The following RNF181 variants were observed in gnomAD, a reference collection of about 807,000 sequenced individuals.
RNF181 encodes the protein E3 ubiquitin-protein ligase RNF181.
RNF181 carries 25 observed loss-of-function variants against 23.3 expected under a neutral mutation model. The observed-to-expected ratio is 1.07, with a 90% confidence interval of 0.78 to 1.50. The LOEUF is 1.50. Among genes scored for constraint, RNF181 ranks in the 40% most tolerant of loss-of-function variants. The pLI, the probability that RNF181 is intolerant of heterozygous loss-of-function variation, is 0.00. For synonymous variants in RNF181, 62 were observed against 70.9 expected, an observed-to-expected ratio of 0.87 and a Z score of 0.63; for missense variants, 167 against 191.1, an observed-to-expected ratio of 0.87 and a Z score of 0.74.
At chr2:85,595,927 A>T (rs1392985371) in intron 1 of RNF181, 78 bp downstream of exon 1, 1 of 1,283,848 alleles carries the variant, frequency 7.8e-7, no homozygotes, top group African/African-American at 1.5e-5. Flanking sequence ...GCGGATTACC[A>T]GGGGCAGCGG....
Position 85,597,178 on chromosome 2 carries a change from G to A in RNF181, c.402G>A (p.Lys134=), listed in dbSNP as rs750682858. ...DDTYEEHRRD[K]ARKQQQQHRL... ...CTTATGAGGAGCACAGACGAGATAA[G>A]GTAGGGGCTGATGCTTAAGTGGAGG... The change falls in exon 4 of 5, where the codon AAG becomes AAA. Residue 134 remains lysine (K), a splice_region_variant and synonymous_variant. Coordinates refer to ENST00000306368, the MANE Select transcript of RNF181 (RefSeq NM_016494.4). The A allele has an allele frequency of 1.2e-6, 2 of 1,611,036 alleles. No homozygotes were observed. The highest frequency in any genetic ancestry group is 1.7e-6 in the Non-Finnish European group (2 of 1,177,860).
intron 3 of RNF181, 38 bp from the exon 4 acceptor site, chr2:85,597,066 A>G (rs1160248020): frequency 6.2e-7 from 1 of 1,614,026 alleles, no homozygotes; most frequent in African/African-American, 1.3e-5. Context: ...GCTTATGAAG[A>G]TCAGACCAAG....
intron 1 of RNF181, 128 bp from the exon 2 acceptor site, chr2:85,596,391 C>A: frequency 1.1e-6 from 1 of 921,888 alleles, no homozygotes; most frequent in Non-Finnish European, 1.6e-6. Flanking sequence ...TAGTGAGCAT[C>A]TACTAACTAC....
chr2:85,595,905 T>C, intron 1 of RNF181, 56 bp downstream of exon 1: 1 of 1,513,442 alleles, frequency 6.6e-7, no homozygotes, highest in Non-Finnish European at 9.1e-7. Context: ...GGGCTGGGGC[T>C]GGCTGGAGAA....
At position 85,597,600 on chromosome 2, in the gene RNF181, A is replaced by G. The variant is rs1253516608; in HGVS notation, c.*96A>G. Reference sequence around the variant, plus strand: ...TACCCACCCTGAGGCTGTATTGATCACAGACCTGGCCAGGGGCTCTGCATC... The same window carrying G: ...TACCCACCCTGAGGCTGTATTGATCGCAGACCTGGCCAGGGGCTCTGCATC... On this transcript the variant is annotated 3_prime_UTR_variant, in exon 5 of 5. Transcript: ENST00000306368. The G allele has an allele frequency of 7.1e-6, 11 of 1,556,806 alleles. No homozygotes were observed. Among genetic ancestry groups the G allele is most frequent in the Non-Finnish European group, 9.5e-6 (11 of 1,153,942 alleles).
chr2:85,596,531 T>A lies in RNF181; in HGVS notation c.99T>A (p.Asn33Lys), dbSNP rs770937584. Residue 33 changes from asparagine (N) to lysine (K), a missense_variant, in exon 2 of 5, where the codon AAT becomes AAA. By Grantham distance (94) the Asn-to-Lys change is moderately conservative. Coordinates refer to ENST00000306368, the MANE Select transcript of RNF181 (RefSeq NM_016494.4). ...TCCCCTTCCCCAGGTCACTTTTCAA[T>A]AGGATGGACTTTGAAGACTTGGGGT... ...MLLELARSLF[N>K]RMDFEDLGLV... 4.9e-5 allele frequency: 79 copies of A among 1,608,324 alleles called. 1 individual carries two copies. In the South Asian group the frequency reaches 7.7e-4, roughly 16 times the overall value.
Position 85,597,437 on chromosome 2 carries a change from TC to T in RNF181, c.403-6del. 1 of 1,604,808 alleles carries T rather than the reference TC, an allele frequency of 6.2e-7. No individual in the cohort carries two copies. Among genetic ancestry groups the T allele is most frequent in the South Asian group, 1.1e-5 (1 of 89,818 alleles). On this transcript the variant is annotated splice_region_variant and splice_polypyrimidine_tract_variant and intron_variant, in intron 4 of 4. Transcript: ENST00000306368. ...TGGCCCCTGCCCAGCATGCCTTCTT[TC>T]CTTCAGGCTCGAAAACAGCAGCAGC... is the stretch of plus-strand genomic sequence containing the variant.
rs2232745 is a variant in RNF181 at position 85,596,509 on chromosome 2, C to T, written c.87-10C>T. 0.06 allele frequency: 96,120 copies of T among 1,593,376 alleles called. 11,112 individuals are homozygous for T. The highest frequency in any genetic ancestry group is 0.45 in the African/African-American group (33,285 of 73,852). On this transcript the variant is annotated splice_polypyrimidine_tract_variant and intron_variant, in intron 1 of 4. Coordinates refer to ENST00000306368, the MANE Select transcript of RNF181 (RefSeq NM_016494.4). ...TTTCCTTTGTTCTGACTTTACATCC[C>T]CTTCCCCAGGTCACTTTTCAATAGG...
Position 85,595,868 on chromosome 2 carries a change from G to T in RNF181, c.86+19G>T. On this transcript the variant is annotated intron_variant, in intron 1 of 4. Coordinates refer to ENST00000306368, the MANE Select transcript of RNF181 (RefSeq NM_016494.4). ...TCGCAAGGTGGGTGCGCGGGGCTTG[G>T]GGATAGGGTCCAACCAGCAGGTTTC... 2.5e-6 allele frequency: 4 copies of T among 1,610,576 alleles called. No individual in the cohort carries two copies. The highest frequency in any genetic ancestry group is 3.4e-6 in the Non-Finnish European group (4 of 1,177,828).
In RNF181 at chr2:85,597,537, CT is replaced by C; in HGVS notation, c.*35del. The C allele has an allele frequency of 6.2e-7, 1 of 1,613,028 alleles. No individual in the cohort carries two copies. Among genetic ancestry groups the C allele is most frequent in the East Asian group, 2.2e-5 (1 of 44,884 alleles). On this transcript the variant is annotated 3_prime_UTR_variant, in exon 5 of 5. Coordinates refer to ENST00000306368, the MANE Select transcript of RNF181 (RefSeq NM_016494.4). ...GGGGCTGAGTGCTGGCCCTCTGCGTCTTCCTTATTAACCTTGAATCCTCATT... is the reference window on the plus strand; with the variant it reads ...GGGGCTGAGTGCTGGCCCTCTGCGTCTCCTTATTAACCTTGAATCCTCATT...
At chr2:85,596,027 C>T (rs1034011887) in intron 1 of RNF181, among the ~76,000 whole-genome samples, 178 bp downstream of exon 1, 1 of 132,472 alleles carries the variant, frequency 7.5e-6, no homozygotes, top group Non-Finnish European at 1.6e-5. Flanking sequence ...TAATTTGGGC[C>T]GTCCGTTGGG....
In RNF181 at chr2:85,596,927, G is replaced by A; in HGVS notation, c.323G>A (p.Ser108Asn). ...TCCAGCTGCATTCTGCCCTGGCTAA[G>A]CAAGGTACTGCTTCTCTTCTTCTAG... ...FHSSCILPWL[S>N]KTNSCPLCRY... is the part of the protein sequence containing the mutation. Residue 108 changes from serine to asparagine, a missense_variant, in exon 3 of 5, where the codon AGC (serine) becomes AAC (asparagine). Transcript: ENST00000306368. 6.2e-7 allele frequency: 1 copy of A among 1,614,200 alleles called. No individual in the cohort carries two copies. Among genetic ancestry groups the A allele is most frequent in the Non-Finnish European group, 8.5e-7 (1 of 1,180,028 alleles).
rs1395399994 is a variant in RNF181, at chr2:85,596,312, G to C, written c.87-207G>C. 3.3e-5 allele frequency among the ~76,000 whole-genome samples: 5 copies of C among 152,066 alleles called. No homozygotes were observed. The East Asian group carries it at 9.7e-4, about 29-fold the overall frequency. On this transcript the variant is annotated intron_variant, in intron 1 of 4. Transcript: ENST00000306368. ...ATCTGTTGCCTCATGTGTAAAATGG[G>C]AATAAACACTTTACGTGCTGGGGCG...
At chr2:85,596,785 C>T (rs375058741) in intron 2 of RNF181, 37 bp from the exon 3 acceptor site, 8 of 1,608,296 alleles carry the variant, frequency 5.0e-6, no homozygotes, top group Middle Eastern at 1.7e-4. Context: ...GAGGCAGAGC[C>T]TGTAGCAGCT....
At position 85,596,613 on chromosome 2, in the gene RNF181, A is replaced by G. The variant is rs981716618; in HGVS notation, c.181A>G (p.Asn61Asp). ...ACCAGCTGCCAAGACTGTGGTTGAG[A>G]ACCTCCCCAGGACAGTCATCAGAGG... The part of the protein sequence containing the change: ...PPPAAKTVVE[N>D]LPRTVIRGSQ... The change falls in exon 2 of 5, where the codon AAC (asparagine) becomes GAC (aspartate). Residue 61 changes from asparagine (N) to aspartate (D), a missense_variant. By Grantham distance (23) the Asn-to-Asp change is conservative. Transcript: ENST00000306368. 2.5e-6 allele frequency: 4 copies of G among 1,614,088 alleles called. No individual in the cohort carries two copies. Among genetic ancestry groups the G allele is most frequent in the Admixed American group, 1.7e-5 (1 of 60,002 alleles).
rs780581834 is a variant in RNF181 at position 85,597,179 on chromosome 2, G to A, written c.402+1G>A. The A allele has an allele frequency of 1.1e-5, 17 of 1,610,928 alleles. No homozygotes were observed. The East Asian group carries it at 2.5e-4, about 23-fold the overall frequency. On this transcript the variant is annotated splice_donor_variant, in intron 4 of 4. Transcript: ENST00000306368. LOFTEE classifies it high-confidence loss of function. Reference sequence around the variant, plus strand: ...TTATGAGGAGCACAGACGAGATAAGGTAGGGGCTGATGCTTAAGTGGAGGG... The same window carrying A: ...TTATGAGGAGCACAGACGAGATAAGATAGGGGCTGATGCTTAAGTGGAGGG...
In RNF181 at chr2:85,595,817, G is replaced by A; in HGVS notation, c.54G>A (p.Glu18=). 1 of 1,614,112 alleles carries A rather than the reference G, an allele frequency of 6.2e-7. No homozygotes were observed. Among genetic ancestry groups the A allele is most frequent in the African/African-American group, 1.3e-5 (1 of 75,076 alleles). Residue 18 remains glutamate, a synonymous_variant, in exon 1 of 5, where the codon GAG becomes GAA. Transcript: ENST00000306368. ...HDCEPSDPEQ[E]TRTNMLLELA... ...GCGAGCCGTCGGACCCTGAGCAGGA[G>A]ACGCGAACCAACATGCTGCTGGAGC... is the stretch of plus-strand genomic sequence containing the variant.
At position 85,597,128 on chromosome 2, in the gene RNF181, T is replaced by C. The variant is rs6643; in HGVS notation, c.352T>C (p.Tyr118His). ...GACAAATTCCTGTCCCTTGTGCCGC[T>C]ATGAGCTGCCCACTGATGACGACAC... Reference protein sequence around the residue: ...SKTNSCPLCRYELPTDDDTYE... With the variant: ...SKTNSCPLCRHELPTDDDTYE... Residue 118 changes from tyrosine (Y) to histidine (H), a missense_variant, in exon 4 of 5, where the codon TAT (tyrosine) becomes CAT (histidine). By Grantham distance (83) the Tyr-to-His change is moderately conservative. Transcript: ENST00000306368. 97,830 of 1,613,934 alleles carry C rather than the reference T, an allele frequency of 0.061. 11,317 individuals carry two copies. The highest frequency in any genetic ancestry group is 0.45 in the African/African-American group (33,873 of 74,906).
At chr2:85,596,111 G>A (rs532097177) in intron 1 of RNF181, among the ~76,000 whole-genome samples, 6 of 152,176 alleles carry the variant, frequency 3.9e-5, no homozygotes, top group Admixed American at 6.5e-5. Flanking sequence ...AAGGACAGCA[G>A]GCTCTGGGAG....
Sources: gnomAD v4.1 joint callset for allele counts (sites outside exome capture counted in the v4.1 genomes callset) on GRCh38, gnomAD v4.1.1 for gene constraint, MANE v1.5 for transcripts, NCBI Gene and HGNC (gene_info 2026-07-23, HGNC 2026-07-21) for gene names.